The following CAPSL variants were observed in gnomAD, a reference collection of about 807,000 sequenced individuals.
CAPSL encodes the protein calcyphosine like, also known as calcyphosin-like protein.
A neutral mutation model predicts 21.3 loss-of-function variants in CAPSL; 17 were observed. The ratio of observed to expected loss-of-function variants is 0.80; its 90% CI spans 0.55 to 1.20. The LOEUF is 1.20. Ranked by LOEUF, CAPSL falls within the 50% of genes most tolerant of loss-of-function variation. The pLI, the probability that CAPSL is intolerant of heterozygous loss-of-function variation, is 0.00. For synonymous variants in CAPSL, 102 were observed against 89.3 expected (o/e 1.14, Z -0.80); for missense variants, 289 against 259.3 (o/e 1.11, Z -0.79).
chr5:35,933,982 G>A (rs1015638992), intron 1 of CAPSL, among the ~76,000 whole-genome samples: 2 of 152,302 alleles, frequency 1.3e-5, no homozygotes, highest in African/African-American at 2.4e-5. Flanking sequence ...TGAGAATCCC[G>A]TGAGAAGCCA....
intron 2 of CAPSL, among the ~76,000 whole-genome samples, chr5:35,912,322 C>A (rs1738248649): frequency 6.6e-6 from 1 of 152,214 alleles, no homozygotes; most frequent in Non-Finnish European, 1.5e-5. Context: ...GAAACCTCTG[C>A]AGATTTAAAT....
Position 35,910,059 on chromosome 5 carries a change from G to A in CAPSL, c.332C>T (p.Ala111Val). ...LLTLRPPMSR[A>V]RKEVIMQAFR... ...AGCTTGCATGATTACCTCTTTTCTGGCTCTGGACATTGGAGGCTACAAAAA... is the reference window on the plus strand; with the variant it reads ...AGCTTGCATGATTACCTCTTTTCTGACTCTGGACATTGGAGGCTACAAAAA... Residue 111 changes from alanine (A) to valine (V), a missense_variant, in exon 4 of 5, where the codon GCC becomes GTC. Coordinates refer to ENST00000651391, the MANE Select transcript of CAPSL (RefSeq NM_001042625.2). 4.4e-6 allele frequency: 7 copies of A among 1,608,654 alleles called. No individual in the cohort carries two copies. The highest frequency in any genetic ancestry group is 5.9e-6 in the Non-Finnish European group (7 of 1,178,324).
intron 2 of CAPSL, among the ~76,000 whole-genome samples, chr5:35,916,565 C>A: frequency 6.6e-6 from 1 of 152,098 alleles, no homozygotes; most frequent in East Asian, 1.9e-4. Context: ...TGCCACATAT[C>A]TACAACTATC....
chr5:35,925,214 A>T (rs966734600), intron 1 of CAPSL, among the ~76,000 whole-genome samples: 3 of 152,222 alleles, frequency 2.0e-5, no homozygotes, highest in Non-Finnish European at 4.4e-5. Context: ...AAGCAGGACC[A>T]AGACAACGCT....
intron 2 of CAPSL, among the ~76,000 whole-genome samples, chr5:35,920,522 G>A (rs1279876269): frequency 1.3e-5 from 2 of 152,186 alleles, no homozygotes; most frequent in Non-Finnish European, 2.9e-5. Flanking sequence ...CATTGGCAGT[G>A]AGCTATCAGT....
At chr5:35,930,079 GT>G (rs890764143) in intron 1 of CAPSL, among the ~76,000 whole-genome samples, 6 of 151,990 alleles carry the variant, frequency 3.9e-5, no homozygotes, top group African/African-American at 1.5e-4. Flanking sequence ...GAAACATCTG[GT>G]TTTTGTTTGG....
At chr5:35,911,048 C>G (rs1229600174) in intron 2 of CAPSL, among the ~76,000 whole-genome samples, 5 of 152,078 alleles carry the variant, frequency 3.3e-5, no homozygotes, top group Non-Finnish European at 7.4e-5. Flanking sequence ...AAGGCTGGAA[C>G]AATTAAACCA....
intron 2 of CAPSL, among the ~76,000 whole-genome samples, chr5:35,912,630 C>A (rs1738261205): frequency 6.6e-6 from 1 of 152,242 alleles, no homozygotes; most frequent in South Asian, 2.1e-4. Context: ...CAAACTCCAA[C>A]AGACCTGCAG....
At chr5:35,904,675 G>A (rs758200731) in intron 4 of CAPSL, 29 bp from the exon 5 acceptor site, 41 of 1,609,624 alleles carry the variant, frequency 2.5e-5, no homozygotes, top group Admixed American at 3.4e-5. Context: ...AAACAAAAAC[G>A]AAACTTTGCT....
At chr5:35,905,347 T>C (rs1194284019) in intron 4 of CAPSL, among the ~76,000 whole-genome samples, 1 of 152,184 alleles carries the variant, frequency 6.6e-6, no homozygotes, top group Non-Finnish European at 1.5e-5. Context: ...GTCTAGATAA[T>C]ATGTACACTC....
At chr5:35,936,808 A>G (rs1305616470) in intron 1 of CAPSL, among the ~76,000 whole-genome samples, 1 of 152,158 alleles carries the variant, frequency 6.6e-6, no homozygotes, top group East Asian at 1.9e-4. Flanking sequence ...CCCCTGATAC[A>G]ATGATGACTA....
At chr5:35,910,623 C>G in intron 2 of CAPSL, 80 bp from the exon 3 acceptor site, 2 of 1,083,534 alleles carry the variant, frequency 1.8e-6, no homozygotes, top group Non-Finnish European at 2.6e-6. Context: ...AAAATCCACA[C>G]TCAAGGTTTC....
chr5:35,922,071 G>GAA (rs35010602), intron 1 of CAPSL, among the ~76,000 whole-genome samples: 2 of 146,438 alleles, frequency 1.4e-5, no homozygotes, highest in Admixed American at 1.3e-4. Flanking sequence ...GCAATGTGCA[G>GAA]AAAAAAAAAA....
rs534527855 is a variant in CAPSL, at chr5:35,919,289, T to C, written c.137+1695A>G. Among the ~76,000 whole-genome samples, 5 of 151,478 alleles carry C rather than the reference T, an allele frequency of 3.3e-5. No homozygotes were observed. The South Asian group carries it at 1.0e-3, about 32-fold the overall frequency. On this transcript the variant is annotated intron_variant, in intron 2 of 4. Transcript: ENST00000651391. ...ATGTGCTAACTCAGGAGTAGCCAAG[T>C]TGTCTGATAAATTAAGGATACTAGC...
intron 1 of CAPSL, among the ~76,000 whole-genome samples, chr5:35,934,281 C>T (rs914641948): frequency 1.3e-5 from 2 of 152,244 alleles, no homozygotes; most frequent in Admixed American, 6.5e-5. Context: ...TTACAGCAGA[C>T]GTTGGCCCTC....
intron 1 of CAPSL, among the ~76,000 whole-genome samples, chr5:35,931,351 C>T (rs1033740178): frequency 3.3e-5 from 5 of 152,018 alleles, no homozygotes; most frequent in African/African-American, 1.2e-4. Context: ...AAGTAACAGC[C>T]TCTCCAGCAC....
chr5:35,921,147 A>T (rs1350001184), intron 1 of CAPSL, 27 bp from the exon 2 acceptor site: 1 of 1,612,108 alleles, frequency 6.2e-7, no homozygotes, highest in East Asian at 2.2e-5. Flanking sequence ...GCATGTTAGC[A>T]AAGTCCAGGC....
chr5:35,915,382 C>T (rs566448551), intron 2 of CAPSL, among the ~76,000 whole-genome samples: 1 of 152,298 alleles, frequency 6.6e-6, no homozygotes, highest in South Asian at 2.1e-4. Context: ...CATCCTGATA[C>T]CACAGCCGGA....
chr5:35,910,859 T>C (rs1232190014), intron 2 of CAPSL, among the ~76,000 whole-genome samples: 1 of 152,212 alleles, frequency 6.6e-6, no homozygotes, highest in Non-Finnish European at 1.5e-5. Flanking sequence ...CTATCCTTTA[T>C]AATACTATGA....
Sources: gnomAD v4.1 joint callset for allele counts (sites outside exome capture counted in the v4.1 genomes callset) on GRCh38, gnomAD v4.1.1 for gene constraint, MANE v1.5 for transcripts, NCBI Gene and HGNC (gene_info 2026-07-23, HGNC 2026-07-21) for gene names.